Variants in PARD3 observed in about 807,000 individuals in gnomAD.
The protein encoded by PARD3 is partitioning defective 3 homolog.
In PARD3, 75 loss-of-function variants were observed where a neutral mutation model predicts 155.4. That is an observed-to-expected ratio of 0.48 (90% CI 0.40 to 0.58). The LOEUF (loss-of-function observed/expected upper bound fraction) is 0.58, where lower values mean the gene tolerates loss of function less well. Ranked by LOEUF, PARD3 falls within the 20% of genes least tolerant of loss-of-function variation. PARD3 has a pLI of 0.00. For missense variants in PARD3, 1,642 were observed against 1,721.7 expected, an observed-to-expected ratio of 0.95 and a Z score of 0.82; for synonymous variants, 576 against 610.5, an observed-to-expected ratio of 0.94 and a Z score of 0.83.
rs182596500 is a variant in PARD3 at position 34,743,016 on chromosome 10, G to A, written c.121-46597C>T. ...CAATGTCCTTTTGTAAGAAAGGAAC[G>A]TAATATCTAATTCATTGGATTATAA... On this transcript the variant is annotated intron_variant, in intron 1 of 24. Transcript: ENST00000374788. Among the ~76,000 whole-genome samples, 186 of 152,316 alleles carry A rather than the reference G, an allele frequency of 1.2e-3. 1 individual carries two copies. The Middle Eastern group carries it at 0.014, about 11-fold the overall frequency.
chr10:34,689,054 G>A (rs2094001086), intron 2 of PARD3, among the ~76,000 whole-genome samples: 1 of 152,104 alleles, frequency 6.6e-6, no homozygotes, highest in Non-Finnish European at 1.5e-5. Context: ...CCCAGGCCAG[G>A]TATCTACGTT....
At chr10:34,334,736 C>CA (rs5784410) in intron 18 of PARD3, among the ~76,000 whole-genome samples, 3,436 of 128,268 alleles carry the variant, frequency 0.027, 60 homozygotes, top group Admixed American at 0.051. Flanking sequence ...GCACAAAGTG[C>CA]AAAAAAAAAA....
intron 5 of PARD3, among the ~76,000 whole-genome samples, chr10:34,427,186 G>C (rs2075657212): frequency 2.0e-5 from 3 of 152,204 alleles, no homozygotes; most frequent in Non-Finnish European, 4.4e-5. Flanking sequence ...GGGAACAAGG[G>C]AGATAACCTG....
chr10:34,129,819 G>A (rs554011077), intron 23 of PARD3, among the ~76,000 whole-genome samples: 67 of 148,546 alleles, frequency 4.5e-4, no homozygotes, highest in African/African-American at 1.5e-3. Context: ...CACCACATCC[G>A]GGTAATTAAA....
At chr10:34,131,307 C>T (rs762330672) in intron 23 of PARD3, among the ~76,000 whole-genome samples, 156 bp downstream of exon 23, 1 of 152,036 alleles carries the variant, frequency 6.6e-6, no homozygotes, top group Non-Finnish European at 1.5e-5. Flanking sequence ...AATGATGAAA[C>T]CCAGATGGAA....
intron 1 of PARD3, among the ~76,000 whole-genome samples, chr10:34,751,317 C>T (rs1836003293): frequency 6.6e-6 from 1 of 152,164 alleles, no homozygotes; most frequent in Admixed American, 6.5e-5. Flanking sequence ...TCTTGATACT[C>T]CATGCTTATA....
intron 2 of PARD3, among the ~76,000 whole-genome samples, chr10:34,598,088 A>G (rs1022565770): frequency 6.6e-6 from 1 of 152,210 alleles, no homozygotes; most frequent in Admixed American, 6.5e-5. Flanking sequence ...CTAAGTGTCT[A>G]TCTGTAAGAG....
rs151218668 is a variant in PARD3, at chr10:34,358,933, T to C, written c.2067+214A>G. Reference sequence around the variant, plus strand: ...CCAGTGTTTCCTGCTGAGTTGGCAATAGGAGTATTAATGTCCACTTAGGAA... The same window carrying C: ...CCAGTGTTTCCTGCTGAGTTGGCAACAGGAGTATTAATGTCCACTTAGGAA... On this transcript the variant is annotated intron_variant, in intron 14 of 24. Coordinates refer to ENST00000374788, the MANE Select transcript of PARD3 (RefSeq NM_001184785.2). Among the ~76,000 whole-genome samples the C allele has an allele frequency of 3.1e-3, 466 of 152,238 alleles. 1 individual carries two copies. Among genetic ancestry groups the C allele is most frequent in the African/African-American group, 0.01 (426 of 41,550 alleles).
At chr10:34,437,466 C>T (rs1336125927) in intron 5 of PARD3, among the ~76,000 whole-genome samples, 1 of 152,062 alleles carries the variant, frequency 6.6e-6, no homozygotes, top group African/African-American at 2.4e-5. Flanking sequence ...AAGCTATATA[C>T]TAGGTATTAC....
At chr10:34,483,572 A>G (rs1217837677) in intron 3 of PARD3, among the ~76,000 whole-genome samples, 3 of 151,972 alleles carry the variant, frequency 2.0e-5, no homozygotes, top group Non-Finnish European at 4.4e-5. Flanking sequence ...TTTTCCTCAT[A>G]TATGTGCTGA....
rs77159684 is a variant in PARD3, at chr10:34,173,048, G to C, written c.3420-41465C>G. 4.9e-3 allele frequency among the ~76,000 whole-genome samples: 745 copies of C among 152,248 alleles called. 5 individuals carry two copies. The highest frequency in any genetic ancestry group is 0.017 in the African/African-American group (711 of 41,542). On this transcript the variant is annotated intron_variant, in intron 22 of 24. Transcript: ENST00000374788. ...GAGATATTGCCTGTTTTGAATTCAA[G>C]CACTTCTTTGTTTACCGCATGACTA...
At chr10:34,462,902 GGGGGAGAGGA>G (rs1187863680) in intron 4 of PARD3, among the ~76,000 whole-genome samples, 1 of 137,092 alleles carries the variant, frequency 7.3e-6, no homozygotes, top group Non-Finnish European at 1.6e-5. Context: ...GGAGGAGAAA[GGGGGAGAGGA>G]GGGGAGAGGG....
intron 1 of PARD3, among the ~76,000 whole-genome samples, chr10:34,808,309 C>CA (rs1470730853): frequency 2.0e-5 from 3 of 149,288 alleles, no homozygotes; most frequent in African/African-American, 4.9e-5. Flanking sequence ...GACCCTGTCT[C>CA]AAAAAAAACA....
At chr10:34,439,148 G>C (rs530321441) in intron 5 of PARD3, among the ~76,000 whole-genome samples, 1 of 152,370 alleles carries the variant, frequency 6.6e-6, no homozygotes, top group South Asian at 2.1e-4. Flanking sequence ...TTTGGTGTTT[G>C]AGAGGTCAGG....
At chr10:34,238,334 T>G (rs1019531788) in intron 22 of PARD3, among the ~76,000 whole-genome samples, 5 of 152,212 alleles carry the variant, frequency 3.3e-5, no homozygotes, top group Non-Finnish European at 7.3e-5. Flanking sequence ...AGGGTGCATT[T>G]CATAGCCTAA....
intron 1 of PARD3, among the ~76,000 whole-genome samples, chr10:34,792,992 G>C (rs933175960): frequency 6.6e-6 from 1 of 152,198 alleles, no homozygotes; most frequent in East Asian, 1.9e-4. Context: ...CCTGGGTTGT[G>C]GGTGGAGAAT....
At position 34,110,387 on chromosome 10, in the gene PARD3, T is replaced by C. The variant is rs889999010; in HGVS notation, c.*782A>G. ...CCCCTCATGATAGACACAGGGCCAA[T>C]GGCAGGCCCAGCTTCCCCCGGCAGG... On this transcript the variant is annotated 3_prime_UTR_variant, in exon 25 of 25. Transcript: ENST00000374788. 5 of 152,220 alleles carry C rather than the reference T, an allele frequency of 3.3e-5. No individual in the cohort carries two copies. Among genetic ancestry groups the C allele is most frequent in the African/African-American group, 1.2e-4 (5 of 41,448 alleles). The allele number at this position is 152,220 out of a possible 1,614,324, so 9.4% of individuals were successfully genotyped here.
At chr10:34,172,337 A>T (rs1949835669) in intron 22 of PARD3, among the ~76,000 whole-genome samples, 1 of 152,192 alleles carries the variant, frequency 6.6e-6, no homozygotes, top group Admixed American at 6.5e-5. Flanking sequence ...TAGTACTATA[A>T]AACTTCATTC....
chr10:34,671,526 C>T (rs1367243256), intron 2 of PARD3, among the ~76,000 whole-genome samples: 1 of 152,090 alleles, frequency 6.6e-6, no homozygotes, highest in Admixed American at 6.6e-5. Flanking sequence ...ATCTTATATG[C>T]ATCACAGCAA....
Sources: allele counts gnomAD v4.1 joint callset (sites outside exome capture counted in the v4.1 genomes callset), GRCh38; gene constraint gnomAD v4.1.1; transcripts MANE v1.5; gene names NCBI Gene and HGNC (gene_info 2026-07-23, HGNC 2026-07-21).